PCNX1: variants seen among roughly 807,000 people sequenced by gnomAD.
PCNX1 encodes pecanex-like protein 1.
A neutral mutation model predicts 242.2 loss-of-function variants in PCNX1; 78 were observed. The observed-to-expected ratio is 0.32, with a 90% CI of 0.27 to 0.39. The LOEUF is 0.39. Ranked by LOEUF, PCNX1 falls within the 10% of genes least tolerant of loss-of-function variation. The probability of loss-of-function intolerance (pLI) is 1.00; values close to 1 mark genes in which losing one functional copy is unlikely to be tolerated. For synonymous variants in PCNX1, 1,024 were observed against 1,032.9 expected, an observed-to-expected ratio of 0.99 and a Z score of 0.17; for missense variants, 2,581 against 2,856.5, an observed-to-expected ratio of 0.90 and a Z score of 2.20.
At chr14:71,097,794 A>G (rs1334563201) in intron 30 of PCNX1, among the ~76,000 whole-genome samples, 1 of 152,160 alleles carries the variant, frequency 6.6e-6, no homozygotes, top group African/African-American at 2.4e-5. Context: ...ATTAGGTCTC[A>G]CTTGTCAGTT....
intron 16 of PCNX1, among the ~76,000 whole-genome samples, chr14:71,031,026 A>G (rs532016921): frequency 6.6e-6 from 1 of 152,344 alleles, no homozygotes; most frequent in African/African-American, 2.4e-5. Context: ...ACTTTCTGCA[A>G]ACATCACTGA....
chr14:71,104,027 G>T (rs1275702913), intron 32 of PCNX1, among the ~76,000 whole-genome samples: 1 of 152,102 alleles, frequency 6.6e-6, no homozygotes, highest in Non-Finnish European at 1.5e-5. Flanking sequence ...CATGCAAGTT[G>T]ATTACTTTGT....
rs1211785553 is a variant in PCNX1 at position 70,907,811 on chromosome 14, G to GCGGCGC, written c.-35_-34insCCGGCG. 158 of 1,201,208 alleles carry GCGGCGC rather than the reference G, an allele frequency of 1.3e-4. 1 individual carries two copies. The highest frequency in any genetic ancestry group is 1.4e-4 in the Admixed American group (3 of 22,122). The allele number at this position is 1,201,208 out of a possible 1,614,324, so 74.4% of individuals were successfully genotyped here. On this transcript the variant is annotated 5_prime_UTR_variant, in exon 1 of 36. Coordinates refer to ENST00000304743, the MANE Select transcript of PCNX1 (RefSeq NM_014982.3). ...CCGAGCTGGGGCCGGGGCGGGGACG[G>GCGGCGC]CGGCGGCGGCGGCGGCGACGGCGGC...
chr14:70,956,439 G>A (rs551097498), intron 2 of PCNX1, among the ~76,000 whole-genome samples: 36 of 152,026 alleles, frequency 2.4e-4, no homozygotes, highest in Non-Finnish European at 1.6e-4. Context: ...GCATGTAGCA[G>A]CCCCAGCTAC....
At chr14:71,106,104 C>G (rs1163709342) in intron 33 of PCNX1, among the ~76,000 whole-genome samples, 1 of 152,098 alleles carries the variant, frequency 6.6e-6, no homozygotes, top group East Asian at 1.9e-4. Context: ...AGCTCTGCCT[C>G]CTGGGTTCAC....
intron 2 of PCNX1, among the ~76,000 whole-genome samples, chr14:70,958,924 T>TTTA (rs1555348614): frequency 2.1e-5 from 3 of 141,134 alleles, no homozygotes; most frequent in East Asian, 2.0e-4. Flanking sequence ...TTTTTTTTTT[T>TTTA]ACATAATCAG....
intron 12 of PCNX1, among the ~76,000 whole-genome samples, chr14:71,019,627 C>G (rs1436661418): frequency 5.3e-5 from 8 of 152,158 alleles, no homozygotes. Flanking sequence ...GTCTCAAACT[C>G]CTGACCTCGT....
intron 8 of PCNX1, among the ~76,000 whole-genome samples, chr14:71,003,222 T>G: frequency 6.6e-6 from 1 of 151,930 alleles, no homozygotes. Flanking sequence ...TAGCTGGGAT[T>G]ACAGGTGCGT....
chr14:70,990,412 A>AG (rs1216132176), intron 7 of PCNX1, among the ~76,000 whole-genome samples: 28 of 151,820 alleles, frequency 1.8e-4, no homozygotes, highest in Admixed American at 1.8e-3. Flanking sequence ...AAAAAAAAAA[A>AG]AATTAGCTGG....
chr14:70,982,251 A>G (rs2058861044), intron 6 of PCNX1, among the ~76,000 whole-genome samples: 1 of 152,334 alleles, frequency 6.6e-6, no homozygotes, highest in African/African-American at 2.4e-5. Flanking sequence ...TCTCAAGTCT[A>G]ATAAACTTAA....
intron 2 of PCNX1, 27 bp from the exon 3 acceptor site, chr14:70,962,198 AC>A (rs1399735689): frequency 7.8e-7 from 1 of 1,278,294 alleles, no homozygotes; most frequent in Non-Finnish European, 1.1e-6. Context: ...AATGACAGTT[AC>A]TCTTTTTCTC....
At chr14:70,984,259 CTCTG>C (rs2058930835) in intron 6 of PCNX1, among the ~76,000 whole-genome samples, 2 of 151,542 alleles carry the variant, frequency 1.3e-5, no homozygotes, top group South Asian at 4.2e-4. Flanking sequence ...GAGCAATTTC[CTCTG>C]TCTAAATTTT....
Position 70,959,476 on chromosome 14 carries a change from G to A in PCNX1, c.363-2750G>A, listed in dbSNP as rs1403405674. ...TTCCCACCTATGAGTGAGAATATGCGGTGTTTGGTTTTTTGTTCTTGCGAT... is the reference window on the plus strand; with the variant it reads ...TTCCCACCTATGAGTGAGAATATGCAGTGTTTGGTTTTTTGTTCTTGCGAT... On this transcript the variant is annotated intron_variant, in intron 2 of 35. Transcript: ENST00000304743. Among the ~76,000 whole-genome samples the A allele has an allele frequency of 8.8e-5, 13 of 147,074 alleles. No homozygotes were observed. In the East Asian group the frequency reaches 2.4e-3, roughly 27 times the overall value.
chr14:71,033,581 A>G, intron 17 of PCNX1, 43 bp downstream of exon 17: 1 of 1,108,302 alleles, frequency 9.0e-7, no homozygotes, highest in South Asian at 1.3e-5. Context: ...AAATTTAAGT[A>G]AGTTGGTGTT....
intron 2 of PCNX1, among the ~76,000 whole-genome samples, chr14:70,950,750 T>G (rs2057745158): frequency 6.6e-6 from 1 of 152,092 alleles, no homozygotes; most frequent in Admixed American, 6.5e-5. Context: ...GGAGGTATTT[T>G]TCTTATTGCC....
At position 70,912,738 on chromosome 14, in the gene PCNX1, A is replaced by G. The variant is rs569374905; in HGVS notation, c.153+4735A>G. 8.5e-4 allele frequency among the ~76,000 whole-genome samples: 129 copies of G among 152,272 alleles called. 3 individuals are homozygous for G. The South Asian group carries it at 0.018, about 21-fold the overall frequency. On this transcript the variant is annotated intron_variant, in intron 1 of 35. Coordinates refer to ENST00000304743, the MANE Select transcript of PCNX1 (RefSeq NM_014982.3). Reference sequence around the variant, plus strand: ...TTCTTTGGCACTTAGAAAAAAATCCAGAATCTTTATTAAGCCACCAGAGCT... The same window carrying G: ...TTCTTTGGCACTTAGAAAAAAATCCGGAATCTTTATTAAGCCACCAGAGCT...
At chr14:71,003,136 T>C (rs1484874612) in intron 8 of PCNX1, among the ~76,000 whole-genome samples, 1 of 141,084 alleles carries the variant, frequency 7.1e-6, no homozygotes, top group African/African-American at 2.7e-5. Context: ...CAGCCTGGAG[T>C]GCAGTGATGC....
chr14:71,110,051 C>A lies in PCNX1; in HGVS notation c.*116C>A, dbSNP rs773649335. 4.3e-6 allele frequency: 4 copies of A among 935,738 alleles called. No homozygotes were observed. Among genetic ancestry groups the A allele is most frequent in the Non-Finnish European group, 6.9e-6 (4 of 576,608 alleles). 58.0% of individuals were successfully genotyped at this position (935,738 alleles called of 1,614,324 possible). On this transcript the variant is annotated 3_prime_UTR_variant, in exon 36 of 36. Coordinates refer to ENST00000304743, the MANE Select transcript of PCNX1 (RefSeq NM_014982.3). ...TCACTTTGATCCTATGTGGGAGCGA[C>A]TGAAAATAGAATGAGCTTGGTTAAG...
intron 8 of PCNX1, among the ~76,000 whole-genome samples, chr14:71,005,921 CTTTTT>C (rs372502839): frequency 7.4e-6 from 1 of 134,892 alleles, no homozygotes. Context: ...GGTATCTTAA[CTTTTT>C]TTTTTTTTTT....
Sources: allele counts gnomAD v4.1 joint callset (sites outside exome capture counted in the v4.1 genomes callset), GRCh38; gene constraint gnomAD v4.1.1; transcripts MANE v1.5; gene names NCBI Gene and HGNC (gene_info 2026-07-23, HGNC 2026-07-21).